KHDRBS2: variants seen among roughly 807,000 people sequenced by gnomAD.
KHDRBS2 encodes the protein KH RNA binding domain containing, signal transduction associated 2.
In KHDRBS2, 26 loss-of-function variants were observed where a neutral mutation model predicts 44.3. That is an observed-to-expected ratio of 0.59 (90% confidence interval 0.43 to 0.81). KHDRBS2 has a LOEUF of 0.81. KHDRBS2 is among the 40% of genes least tolerant of loss of function. The pLI, the probability that KHDRBS2 is intolerant of heterozygous loss-of-function variation, is 0.00. For missense variants in KHDRBS2, 476 were observed against 433.1 expected, an observed-to-expected ratio of 1.10 and a Z score of -0.88; for synonymous variants, 194 against 151.1, an observed-to-expected ratio of 1.28 and a Z score of -2.08.
In KHDRBS2 at chr6:62,074,247, T is replaced by C. The variant is rs549509152; in HGVS notation, c.220-26253A>G. Among the ~76,000 whole-genome samples, 11 of 151,948 alleles carry C rather than the reference T, an allele frequency of 7.2e-5. No homozygotes were observed. In the South Asian group the frequency reaches 1.7e-3, roughly 23 times the overall value. The stretch of plus-strand genomic sequence containing the variant: ...AAGCCATGCCTGGACTTCTGAACCA[T>C]AGAAATTGTGAGATAATAAATGTGT... On this transcript the variant is annotated intron_variant, in intron 2 of 8. Transcript: ENST00000281156.
At chr6:62,203,408 G>A (rs1399790249) in intron 1 of KHDRBS2, among the ~76,000 whole-genome samples, 1 of 152,090 alleles carries the variant, frequency 6.6e-6, no homozygotes, top group African/African-American at 2.4e-5. Context: ...TATTTATTTA[G>A]AAGATAAATT....
chr6:62,008,838 A>G (rs1779763829), intron 3 of KHDRBS2, among the ~76,000 whole-genome samples: 1 of 152,144 alleles, frequency 6.6e-6, no homozygotes, highest in Non-Finnish European at 1.5e-5. Context: ...GCCTTCCAAC[A>G]TGATTGTGAG....
intron 7 of KHDRBS2, among the ~76,000 whole-genome samples, chr6:61,718,439 G>A (rs1771803708): frequency 6.6e-6 from 1 of 151,976 alleles, no homozygotes; most frequent in African/African-American, 2.4e-5. Context: ...ACTACTTATT[G>A]AAGTGTGATA....
At chr6:61,947,177 C>A (rs1396149044) in intron 4 of KHDRBS2, among the ~76,000 whole-genome samples, 4 of 152,154 alleles carry the variant, frequency 2.6e-5, no homozygotes, top group Non-Finnish European at 5.9e-5. Flanking sequence ...CCATTTCCTA[C>A]CAGTAACCAC....
intron 7 of KHDRBS2, among the ~76,000 whole-genome samples, chr6:61,728,780 C>T (rs1441849421): frequency 6.6e-6 from 1 of 152,090 alleles, no homozygotes; most frequent in Non-Finnish European, 1.5e-5. Context: ...CAAAAATGTT[C>T]ACAACAGCTG....
intron 6 of KHDRBS2, among the ~76,000 whole-genome samples, chr6:61,753,015 T>C (rs1417270559): frequency 6.6e-6 from 1 of 152,158 alleles, no homozygotes; most frequent in Non-Finnish European, 1.5e-5. Context: ...TCATTGGGTA[T>C]TTTATTCATA....
chr6:61,980,488 A>G (rs950054794), intron 3 of KHDRBS2, among the ~76,000 whole-genome samples: 3 of 152,214 alleles, frequency 2.0e-5, no homozygotes, highest in Admixed American at 1.3e-4. Flanking sequence ...GAAGTTTTAT[A>G]GAAAATAAGT....
At chr6:62,140,310 G>A (rs998318156) in intron 2 of KHDRBS2, among the ~76,000 whole-genome samples, 8 of 152,154 alleles carry the variant, frequency 5.3e-5, no homozygotes, top group Non-Finnish European at 8.8e-5. Flanking sequence ...AGGTACAGAC[G>A]GATAGTGGGA....
At chr6:62,058,536 T>C (rs543807925) in intron 2 of KHDRBS2, among the ~76,000 whole-genome samples, 1 of 151,808 alleles carries the variant, frequency 6.6e-6, no homozygotes, top group Admixed American at 6.6e-5. Context: ...ATTAAAGCAA[T>C]CTAGGGCAGA....
At chr6:62,228,688 C>G (rs1341713115) in intron 1 of KHDRBS2, among the ~76,000 whole-genome samples, 1 of 151,988 alleles carries the variant, frequency 6.6e-6, no homozygotes, top group East Asian at 1.9e-4. Flanking sequence ...AATTTCCCTC[C>G]TAACACTGTG....
At chr6:62,257,209 CTAGACA>C (rs1837527809) in intron 1 of KHDRBS2, among the ~76,000 whole-genome samples, 1 of 152,034 alleles carries the variant, frequency 6.6e-6, no homozygotes, top group Non-Finnish European at 1.5e-5. Flanking sequence ...CAGCATTCTT[CTAGACA>C]TATAGTTTGC....
At chr6:62,264,446 A>G (rs367629210) in intron 1 of KHDRBS2, among the ~76,000 whole-genome samples, 13 of 151,774 alleles carry the variant, frequency 8.6e-5, no homozygotes, top group East Asian at 7.8e-4. Context: ...ATTTAAACAG[A>G]AAGCCAGTTT....
At chr6:61,614,776 G>A in the KHDRBS2 span, among the ~76,000 whole-genome samples, 3 of 152,104 alleles carry the variant, frequency 2.0e-5, no homozygotes, top group Non-Finnish European at 2.9e-5. Flanking sequence ...CATATTAAGA[G>A]CGCAGGTTCT....
chr6:61,663,144 G>A, the KHDRBS2 span, among the ~76,000 whole-genome samples: 9 of 148,928 alleles, frequency 6.0e-5, no homozygotes, highest in East Asian at 4.1e-4. Context: ...GCAAACTATC[G>A]CAAGGACAAA....
intron 2 of KHDRBS2, among the ~76,000 whole-genome samples, chr6:62,168,791 C>A (rs563466391): frequency 6.6e-6 from 1 of 151,752 alleles, no homozygotes; most frequent in East Asian, 1.9e-4. Flanking sequence ...AAACTCAATA[C>A]ACATAGTTCC....
intron 1 of KHDRBS2, among the ~76,000 whole-genome samples, chr6:62,267,255 G>A (rs894316513): frequency 9.9e-5 from 15 of 152,186 alleles, no homozygotes; most frequent in African/African-American, 3.4e-4. Flanking sequence ...GAAGGCCACA[G>A]GAAAACAAGG....
At chr6:62,264,428 A>G (rs1838854276) in intron 1 of KHDRBS2, among the ~76,000 whole-genome samples, 1 of 151,850 alleles carries the variant, frequency 6.6e-6, no homozygotes, top group Admixed American at 6.6e-5. Context: ...TATAGCAGTT[A>G]CATTCCAATT....
At chr6:62,206,616 T>C (rs1828021038) in intron 1 of KHDRBS2, among the ~76,000 whole-genome samples, 1 of 152,080 alleles carries the variant, frequency 6.6e-6, no homozygotes, top group South Asian at 2.1e-4. Context: ...AAAACTATAA[T>C]AAGATTTTCA....
At chr6:61,912,366 C>T (rs955079519) in intron 4 of KHDRBS2, among the ~76,000 whole-genome samples, 2 of 152,104 alleles carry the variant, frequency 1.3e-5, no homozygotes, top group African/African-American at 4.8e-5. Context: ...TTATTCTTTT[C>T]CTTGCTTCCA....
Sources: gnomAD v4.1 joint callset for allele counts (sites outside exome capture counted in the v4.1 genomes callset) on GRCh38, gnomAD v4.1.1 for gene constraint, MANE v1.5 for transcripts, NCBI Gene and HGNC (gene_info 2026-07-23, HGNC 2026-07-21) for gene names.